Variants in ST6GALNAC3 observed in about 807,000 individuals in gnomAD.
ST6GALNAC3 encodes alpha-N-acetylgalactosaminide alpha-2,6-sialyltransferase 3.
A neutral mutation model predicts 32.7 loss-of-function variants in ST6GALNAC3; 25 were observed. The ratio of observed to expected loss-of-function variants is 0.76; its 90% CI spans 0.56 to 1.07. ST6GALNAC3 has a LOEUF of 1.07. ST6GALNAC3 is among the 50% of genes least tolerant of loss of function. The pLI is 0.00. For synonymous variants in ST6GALNAC3, 129 were observed against 133.1 expected, an observed-to-expected ratio of 0.97 and a Z score of 0.21; for missense variants, 355 against 382.4, an observed-to-expected ratio of 0.93 and a Z score of 0.60.
chr1:76,245,999 C>T (rs937282318), intron 1 of ST6GALNAC3, among the ~76,000 whole-genome samples: 1 of 152,154 alleles, frequency 6.6e-6, no homozygotes, highest in Non-Finnish European at 1.5e-5. Flanking sequence ...CTAATATTGA[C>T]AGTGGGGTGT....
At chr1:76,562,394 A>G (rs1665293986) in intron 3 of ST6GALNAC3, among the ~76,000 whole-genome samples, 2 of 152,222 alleles carry the variant, frequency 1.3e-5, no homozygotes, top group Admixed American at 6.5e-5. Flanking sequence ...AATTAAAAGC[A>G]GGGCTTGAAC....
At chr1:76,191,503 A>G (rs1653895244) in intron 1 of ST6GALNAC3, among the ~76,000 whole-genome samples, 1 of 152,150 alleles carries the variant, frequency 6.6e-6, no homozygotes, top group African/African-American at 2.4e-5. Context: ...ATATATTATA[A>G]AATAGCTAGA....
intron 2 of ST6GALNAC3, among the ~76,000 whole-genome samples, chr1:76,409,350 C>G (rs1282352955): frequency 1.3e-5 from 2 of 152,048 alleles, no homozygotes; most frequent in East Asian, 1.9e-4. Context: ...TTCTGCAAGT[C>G]AAGTTTTTTT....
intron 3 of ST6GALNAC3, among the ~76,000 whole-genome samples, chr1:76,428,645 A>G (rs749432368): frequency 2.0e-5 from 3 of 151,894 alleles, no homozygotes; most frequent in East Asian, 1.9e-4. Context: ...GTAATAGAAA[A>G]CCTTATAAAT....
chr1:76,335,218 G>A (rs899010994), intron 2 of ST6GALNAC3, among the ~76,000 whole-genome samples: 5 of 152,256 alleles, frequency 3.3e-5, no homozygotes, highest in Middle Eastern at 3.4e-3. Flanking sequence ...GGCTTGCTGA[G>A]CTCCTTCATA....
At chr1:76,281,798 G>T (rs1659511974) in intron 1 of ST6GALNAC3, among the ~76,000 whole-genome samples, 1 of 152,152 alleles carries the variant, frequency 6.6e-6, no homozygotes, top group African/African-American at 2.4e-5. Context: ...GTGAATTCAT[G>T]TGACCTGGAT....
Position 76,183,851 on chromosome 1 carries a change from A to AATATATATATATATATATATATATATAT in ST6GALNAC3, c.18+108989_18+108990insATATATATATATATATATATATATATAT, listed in dbSNP as rs71071991. Among the ~76,000 whole-genome samples the AATATATATATATATATATATATATATAT allele has an allele frequency of 1.1e-3, 132 of 118,366 alleles. 2 individuals are homozygous for AATATATATATATATATATATATATATAT. Among genetic ancestry groups the AATATATATATATATATATATATATATAT allele is most frequent in the Middle Eastern group, 4.5e-3 (1 of 224 alleles). 77.7% of individuals were successfully genotyped at this position (118,366 alleles called of 152,430 possible). On this transcript the variant is annotated intron_variant, in intron 1 of 4. Transcript: ENST00000328299. Reference sequence around the variant, plus strand: ...GTTGTTGACCAAAATGTAGTGCATGAATATATATATATATATATATATGTA... The same window carrying AATATATATATATATATATATATATATAT: ...GTTGTTGACCAAAATGTAGTGCATGAATATATATATATATATATATATATATATATATATATATATATATATATATGTA...
intron 3 of ST6GALNAC3, among the ~76,000 whole-genome samples, chr1:76,436,119 A>T (rs992285811): frequency 1.1e-4 from 17 of 152,136 alleles, no homozygotes; most frequent in African/African-American, 3.6e-4. Flanking sequence ...ACACCTTTGA[A>T]TAAAATTTGT....
chr1:76,127,393 T>C (rs994257871), intron 1 of ST6GALNAC3, among the ~76,000 whole-genome samples: 3 of 152,130 alleles, frequency 2.0e-5, no homozygotes, highest in Non-Finnish European at 4.4e-5. Context: ...ATGAGGTGCA[T>C]GGTAGGAAGC....
At chr1:76,577,585 C>T (rs1372876817) in intron 3 of ST6GALNAC3, among the ~76,000 whole-genome samples, 1 of 151,880 alleles carries the variant, frequency 6.6e-6, no homozygotes, top group Non-Finnish European at 1.5e-5. Context: ...TACAGCACAC[C>T]AGTATTTGTC....
intron 3 of ST6GALNAC3, among the ~76,000 whole-genome samples, chr1:76,594,081 A>G (rs2100597244): frequency 6.6e-6 from 1 of 152,282 alleles, no homozygotes; most frequent in East Asian, 1.9e-4. Flanking sequence ...ATGGCTCTGA[A>G]CAGGGCTTAG....
intron 3 of ST6GALNAC3, among the ~76,000 whole-genome samples, chr1:76,534,480 C>G (rs1208699087): frequency 6.6e-6 from 1 of 152,122 alleles, no homozygotes; most frequent in South Asian, 2.1e-4. Context: ...TCTAAAATCC[C>G]CTGGCCTTCA....
rs76743094 is a variant in ST6GALNAC3, at chr1:76,365,916, A to C, written c.214-46092A>C. On this transcript the variant is annotated intron_variant, in intron 2 of 4. Coordinates refer to ENST00000328299, the MANE Select transcript of ST6GALNAC3 (RefSeq NM_152996.4). ...TTTCACTCACTCTTCTGTCTCCTCC[A>C]TCTCCTTCCAGTTCCTACATTATTC... Among the ~76,000 whole-genome samples the C allele has an allele frequency of 3.6e-3, 550 of 152,172 alleles. 2 individuals carry two copies. The highest frequency in any genetic ancestry group is 0.013 in the African/African-American group (528 of 41,522).
intron 3 of ST6GALNAC3, among the ~76,000 whole-genome samples, chr1:76,534,188 A>G (rs899777357): frequency 5.3e-5 from 8 of 151,886 alleles, no homozygotes; most frequent in African/African-American, 1.9e-4. Context: ...GACTACAGGC[A>G]CCCACCACCA....
At chr1:76,293,988 CA>C (rs1243220853) in intron 1 of ST6GALNAC3, among the ~76,000 whole-genome samples, 1 of 152,114 alleles carries the variant, frequency 6.6e-6, no homozygotes, top group African/African-American at 2.4e-5. Context: ...GTCATTTATA[CA>C]AAACCGTTTG....
intron 3 of ST6GALNAC3, among the ~76,000 whole-genome samples, chr1:76,569,393 T>C (rs1005546053): frequency 6.6e-6 from 1 of 152,188 alleles, no homozygotes; most frequent in African/African-American, 2.4e-5. Context: ...GTACAGGGGC[T>C]GCCCTATTAA....
intron 1 of ST6GALNAC3, among the ~76,000 whole-genome samples, chr1:76,117,519 T>C (rs547966216): frequency 1.3e-5 from 2 of 152,348 alleles, no homozygotes; most frequent in South Asian, 4.1e-4. Context: ...AAACCTAAAA[T>C]GTGGTTTATT....
chr1:76,350,464 A>AAT (rs1648884595), intron 2 of ST6GALNAC3, among the ~76,000 whole-genome samples: 1 of 152,234 alleles, frequency 6.6e-6, no homozygotes, highest in South Asian at 2.1e-4. Context: ...ACTGACAGTT[A>AAT]ATAATATTAA....
At chr1:76,254,316 G>A (rs575994159) in intron 1 of ST6GALNAC3, among the ~76,000 whole-genome samples, 1 of 152,194 alleles carries the variant, frequency 6.6e-6, no homozygotes, top group South Asian at 2.1e-4. Context: ...TGCAATTAAG[G>A]AAGCTGCTGT....
Sources: gnomAD v4.1 joint callset for allele counts (sites outside exome capture counted in the v4.1 genomes callset) on GRCh38, gnomAD v4.1.1 for gene constraint, MANE v1.5 for transcripts, NCBI Gene and HGNC (gene_info 2026-07-23, HGNC 2026-07-21) for gene names.